The following CD40 variants were observed in gnomAD, a reference collection of about 807,000 sequenced individuals.
CD40 encodes the protein CD40 molecule, also known as tumor necrosis factor receptor superfamily member 5.
In CD40, 19 loss-of-function variants were observed where a neutral mutation model predicts 38.5. The observed-to-expected ratio is 0.49, with a 90% CI of 0.34 to 0.72. CD40 has a LOEUF of 0.72. CD40 is among the 30% of genes least tolerant of loss of function. The probability of loss-of-function intolerance (pLI) is 0.01; values close to 1 mark genes in which losing one functional copy is unlikely to be tolerated. For synonymous variants in CD40, 130 were observed against 128.7 expected (o/e 1.01, Z -0.07); for missense variants, 256 against 344.1 (o/e 0.74, Z 2.03).
chr20:46,125,341 C>G (rs1216397380), intron 5 of CD40, among the ~76,000 whole-genome samples: 1 of 151,208 alleles, frequency 6.6e-6, no homozygotes, highest in Non-Finnish European at 1.5e-5. Context: ...GTCAAGAGAT[C>G]GAGACCATCC....
intron 1 of CD40, among the ~76,000 whole-genome samples, chr20:46,120,583 G>C (rs1023771395): frequency 6.6e-6 from 1 of 152,224 alleles, no homozygotes; most frequent in Non-Finnish European, 1.5e-5. Flanking sequence ...CCTCTCAAAG[G>C]CTTGCTAATC....
Position 46,123,167 on chromosome 20 carries a change from G to A in CD40, c.445G>A (p.Gly149Ser), listed in dbSNP as rs1194453106. The A allele has an allele frequency of 3.7e-6, 6 of 1,614,066 alleles. No homozygotes were observed. The highest frequency in any genetic ancestry group is 4.2e-6 in the Non-Finnish European group (5 of 1,180,032). Reference sequence around the variant, plus strand: ...TACCATCTGCGAGCCCTGCCCAGTCGGCTTCTTCTCCAATGTGTCATCTGC... The same window carrying A: ...TACCATCTGCGAGCCCTGCCCAGTCAGCTTCTTCTCCAATGTGTCATCTGC... ...SDTICEPCPVGFFSNVSSAFE... is the reference protein window; with the variant it reads ...SDTICEPCPVSFFSNVSSAFE... Residue 149 changes from glycine (G) to serine (S), a missense_variant, in exon 5 of 9, where the codon GGC becomes AGC. Transcript: ENST00000372285.
intron 8 of CD40, 106 bp from the exon 9 acceptor site, chr20:46,128,776 G>A (rs778679271): frequency 1.0e-5 from 13 of 1,259,748 alleles, no homozygotes; most frequent in Non-Finnish European, 1.1e-6. Flanking sequence ...CCGCCGTCTG[G>A]GAAAGGGGGG....
In CD40 at chr20:46,128,230, TC is replaced by T; in HGVS notation, c.646+8del. On this transcript the variant is annotated splice_region_variant and intron_variant, in intron 7 of 8. Coordinates refer to ENST00000372285, the MANE Select transcript of CD40 (RefSeq NM_001250.6). Reference sequence around the variant, plus strand: ...CTTGGTGCTGGTCTTTATCAGTGAGTCCTCAGGTGGGGAGGTGTTGGGGGAG... The same window carrying T: ...CTTGGTGCTGGTCTTTATCAGTGAGTCTCAGGTGGGGAGGTGTTGGGGGAG... 6.2e-7 allele frequency: 1 copy of T among 1,612,008 alleles called. No homozygotes were observed. Among genetic ancestry groups the T allele is most frequent in the East Asian group, 2.2e-5 (1 of 44,788 alleles).
chr20:46,123,015 A>G (rs2085350239), intron 4 of CD40, 111 bp from the exon 5 acceptor site: 1 of 954,282 alleles, frequency 1.0e-6, no homozygotes, highest in Admixed American at 1.8e-5. Context: ...CATCGGGGGA[A>G]GAGTGCTCAA....
rs920883891 is a variant in CD40, at chr20:46,126,509, G to C, written c.498-131G>C. On this transcript the variant is annotated intron_variant, in intron 5 of 8. Transcript: ENST00000372285. ...ACCAGCATAGGACGTTGCACGTGTT[G>C]TGTGCTCAGTGAACCTGGATTTGTT... 22 of 969,204 alleles carry C rather than the reference G, an allele frequency of 2.3e-5. No homozygotes were observed. The African/African-American group carries it at 3.2e-4, about 14-fold the overall frequency. 60.0% of individuals were successfully genotyped at this position (969,204 alleles called of 1,614,324 possible).
intron 8 of CD40, 30 bp downstream of exon 8, chr20:46,128,388 G>A: frequency 6.2e-7 from 1 of 1,609,748 alleles, no homozygotes. Context: ...CCGGGACAGA[G>A]TTTTGACAAA....
At position 46,129,037 on chromosome 20, in the gene CD40, G is replaced by T; in HGVS notation, c.831G>T (p.Gln277His). Residue 277 changes from glutamine (Q) to histidine (H), a missense_variant, in exon 9 of 9, where the codon CAG becomes CAT. By Grantham distance (24) the Gln-to-His change is conservative (BLOSUM62 0). Transcript: ENST00000372285. Reference protein sequence around the residue: ...KESRISVQERQ With the variant: ...KESRISVQERH ...GTCGCATCTCAGTGCAGGAGAGACAGTGAGGCTGCACCCACCCAGGAGTGT... is the reference window on the plus strand; with the variant it reads ...GTCGCATCTCAGTGCAGGAGAGACATTGAGGCTGCACCCACCCAGGAGTGT... The T allele has an allele frequency of 6.2e-7, 1 of 1,614,120 alleles. No individual in the cohort carries two copies. The highest frequency in any genetic ancestry group is 8.5e-7 in the Non-Finnish European group (1 of 1,180,014).
chr20:46,122,731 G>T lies in CD40; in HGVS notation c.378G>T (p.Ser126=), dbSNP rs150312341. Residue 126 remains serine, a synonymous_variant, in exon 4 of 9, where the codon TCG becomes TCT. Transcript: ENST00000372285. This position sits in a 1 kb window ranked among gnomAD's most constrained non-coding sequence, Gnocchi z 5.0. ...CESCVLHRSC[S]PGFGVKQIAT... ...GCTGTGTCCTGCACCGCTCATGCTC[G>T]CCCGGCTTTGGGGTCAAGCAGATTG... 1 of 1,614,142 alleles carries T rather than the reference G, an allele frequency of 6.2e-7. No homozygotes were observed. The highest frequency in any genetic ancestry group is 1.3e-5 in the African/African-American group (1 of 75,030).
At chr20:46,121,635 A>T (rs2085319344) in intron 1 of CD40, 185 bp from the exon 2 acceptor site, 1 of 672,844 alleles carries the variant, frequency 1.5e-6, no homozygotes, top group African/African-American at 1.8e-5. Flanking sequence ...TCTGGGTGCG[A>T]TTATAATCAG....
At chr20:46,121,924 T>TC in intron 2 of CD40, 26 bp downstream of exon 2, 14 of 1,582,626 alleles carry the variant, frequency 8.8e-6, no homozygotes, top group Non-Finnish European at 1.2e-5. Context: ...TCTAGCCCCA[T>TC]CATGGAGTCC....
At chr20:46,128,412 C>T (rs2085481971) in intron 8 of CD40, 54 bp downstream of exon 8, 18 of 1,589,700 alleles carry the variant, frequency 1.1e-5, no homozygotes, top group African/African-American at 2.7e-5. Context: ...GGAAGATGGC[C>T]TCACGGTTGC....
intron 1 of CD40, among the ~76,000 whole-genome samples, chr20:46,119,769 C>G (rs966704127): frequency 1.3e-5 from 2 of 152,180 alleles, no homozygotes; most frequent in Admixed American, 6.5e-5. Context: ...GGTCTCATAG[C>G]TAGCTAATGG....
chr20:46,118,782 A>T (rs537017206), intron 1 of CD40, among the ~76,000 whole-genome samples: 8 of 152,244 alleles, frequency 5.3e-5, no homozygotes, highest in African/African-American at 1.9e-4. Flanking sequence ...TTGTGGACAG[A>T]TGCCAGCCTC....
intron 6 of CD40, 152 bp from the exon 7 acceptor site, chr20:46,127,986 C>G: frequency 6.8e-7 from 1 of 1,473,512 alleles, no homozygotes; most frequent in South Asian, 1.2e-5. Context: ...AAGACATCTG[C>G]CAGCCACATT....
rs2085352940 is a variant in CD40, at chr20:46,123,122, C to G, written c.404-4C>G. 3.7e-6 allele frequency: 6 copies of G among 1,612,566 alleles called. No individual in the cohort carries two copies. The highest frequency in any genetic ancestry group is 1.7e-4 in the Middle Eastern group (1 of 6,060). ...TTAATGTCCCCCTCCCCACCCACTC[C>G]CAGCTACAGGGGTTTCTGATACCAT... On this transcript the variant is annotated splice_region_variant and splice_polypyrimidine_tract_variant and intron_variant, in intron 4 of 8. Transcript: ENST00000372285.
Position 46,122,474 on chromosome 20 carries a change from A to T in CD40, c.256+116A>T. 6.4e-7 allele frequency: 1 copy of T among 1,565,780 alleles called. No individual in the cohort carries two copies. Among genetic ancestry groups the T allele is most frequent in the Non-Finnish European group, 8.8e-7 (1 of 1,138,744 alleles). ...TCTGATTGGTTGGAGTCCGGGCTGT[A>T]CTGATCATTAAATGATTTGATTGCC... On this transcript the variant is annotated intron_variant, in intron 3 of 8. Coordinates refer to ENST00000372285, the MANE Select transcript of CD40 (RefSeq NM_001250.6). This position sits in a 1 kb window ranked among gnomAD's most constrained non-coding sequence, Gnocchi z 5.0.
At position 46,129,157 on chromosome 20, in the gene CD40, C is replaced by T; in HGVS notation, c.*117C>T. On this transcript the variant is annotated 3_prime_UTR_variant, in exon 9 of 9. Transcript: ENST00000372285. ...GGCTGGCACTGACTGGGCATAGCTC[C>T]CCGCTTCTGCCTGCACCCCTGCAGT... The T allele has an allele frequency of 1.8e-6, 2 of 1,118,750 alleles. No individual in the cohort carries two copies. The highest frequency in any genetic ancestry group is 2.7e-6 in the Non-Finnish European group (2 of 749,010). 69.3% of individuals were successfully genotyped at this position (1,118,750 alleles called of 1,614,324 possible).
chr20:46,126,787 GA>G, intron 6 of CD40, 86 bp downstream of exon 6: 3 of 1,608,848 alleles, frequency 1.9e-6, no homozygotes, highest in Non-Finnish European at 1.7e-6. Flanking sequence ...CACTGGATGG[GA>G]AAAAGGGGAG....
Sources: gnomAD v4.1 joint callset for allele counts (sites outside exome capture counted in the v4.1 genomes callset) on GRCh38, gnomAD v4.1.1 for gene constraint, Gnocchi (gnomAD v3.1) non-coding constraint, MANE v1.5 for transcripts, NCBI Gene and HGNC (gene_info 2026-07-23, HGNC 2026-07-21) for gene names.